RAB11FIP3: variants seen among roughly 807,000 people sequenced by gnomAD.
RAB11FIP3 encodes RAB11 family interacting protein 3.
A neutral mutation model predicts 77.8 loss-of-function variants in RAB11FIP3; 17 were observed. The observed-to-expected ratio is 0.22, with a 90% CI of 0.15 to 0.33. RAB11FIP3 has a LOEUF of 0.33. Among genes scored for constraint, RAB11FIP3 ranks in the 10% least tolerant of loss-of-function variants. RAB11FIP3 has a pLI of 1.00. For synonymous variants in RAB11FIP3, 437 were observed against 448.2 expected (o/e 0.98, Z 0.31); for missense variants, 1,005 against 1,011.2 (o/e 0.99, Z 0.08).
intron 4 of RAB11FIP3, among the ~76,000 whole-genome samples, chr16:487,837 C>T (rs2056188701): frequency 6.6e-6 from 1 of 152,182 alleles, no homozygotes. Flanking sequence ...CCTTCCTTTC[C>T]CTGTCGCAGC....
intron 4 of RAB11FIP3, among the ~76,000 whole-genome samples, chr16:488,027 G>T (rs1308637916): frequency 6.6e-6 from 1 of 152,168 alleles, no homozygotes; most frequent in Non-Finnish European, 1.5e-5. Context: ...CGAGTGAGGA[G>T]TGTGAAGAGG....
rs9931484 is a variant in RAB11FIP3 at position 430,510 on chromosome 16, G to A, written c.714+3790G>A. On this transcript the variant is annotated intron_variant, in intron 1 of 13. Transcript: ENST00000262305. The stretch of plus-strand genomic sequence containing the variant: ...CCCTACGTTTTTTTATTCCTGCACC[G>A]CTAATGGTGGCAGTAGGAAGTTCCT... Among the ~76,000 whole-genome samples the A allele has an allele frequency of 3.2e-3, 489 of 152,144 alleles. 6 individuals are homozygous for A. Among genetic ancestry groups the A allele is most frequent in the African/African-American group, 0.012 (480 of 41,468 alleles).
chr16:431,553 T>G (rs7201187), intron 1 of RAB11FIP3, among the ~76,000 whole-genome samples: 60,682 of 151,742 alleles, frequency 0.4, 12,405 homozygotes, highest in South Asian at 0.54. Flanking sequence ...TTTTATATTT[T>G]TAGTAGAGAC....
chr16:459,082 G>T (rs1260142929), intron 1 of RAB11FIP3, among the ~76,000 whole-genome samples: 1 of 151,014 alleles, frequency 6.6e-6, no homozygotes, highest in Admixed American at 6.6e-5. Context: ...CTACAAAAAT[G>T]AACAGTTCCT....
intron 9 of RAB11FIP3, among the ~76,000 whole-genome samples, chr16:512,481 C>T (rs182535739): frequency 0.034 from 5,104 of 151,512 alleles, 131 homozygotes; most frequent in Non-Finnish European, 0.049. Context: ...ACCTCGTGAT[C>T]CACCTGCCTC....
Position 461,691 on chromosome 16 carries a change from G to C in RAB11FIP3, c.808+194G>C, listed in dbSNP as rs1450178085. Among the ~76,000 whole-genome samples, 1 of 152,000 alleles carries C rather than the reference G, an allele frequency of 6.6e-6. No homozygotes were observed. The highest frequency in any genetic ancestry group is 1.5e-5 in the Non-Finnish European group (1 of 68,018). ...TTCTCCTCACATACCCTGTTTTCCA[G>C]AATTTGCTGCGTTAACTACTTTTCC... On this transcript the variant is annotated intron_variant, in intron 2 of 13. Coordinates refer to ENST00000262305, the MANE Select transcript of RAB11FIP3 (RefSeq NM_014700.4). The surrounding 1 kb of genome is among the most constrained non-coding windows in gnomAD (Gnocchi z 4.5).
intron 5 of RAB11FIP3, among the ~76,000 whole-genome samples, chr16:496,503 C>T (rs765799268): frequency 2.0e-5 from 3 of 152,240 alleles, no homozygotes; most frequent in Admixed American, 6.5e-5. Context: ...AATTTGGCTT[C>T]AGAAGCATTG....
intron 5 of RAB11FIP3, among the ~76,000 whole-genome samples, chr16:494,051 CCAT>C (rs1246352902): frequency 2.6e-5 from 2 of 77,450 alleles, no homozygotes; most frequent in Non-Finnish European, 5.0e-5. Flanking sequence ...CTACAGGCGC[CCAT>C]CACCACACCT....
At chr16:437,349 A>T (rs1189565102) in intron 1 of RAB11FIP3, among the ~76,000 whole-genome samples, 1 of 151,840 alleles carries the variant, frequency 6.6e-6, no homozygotes, top group African/African-American at 2.4e-5. Context: ...CGGGCGGATC[A>T]CCTGAGGTCA....
rs1398191938 is a variant in RAB11FIP3 at position 506,028 on chromosome 16, G to A, written c.1499+401G>A. Among the ~76,000 whole-genome samples, 1 of 152,242 alleles carries A rather than the reference G, an allele frequency of 6.6e-6. No homozygotes were observed. Among genetic ancestry groups the A allele is most frequent in the East Asian group, 1.9e-4 (1 of 5,200 alleles). On this transcript the variant is annotated intron_variant, in intron 8 of 13. Transcript: ENST00000262305. This position sits in a 1 kb window ranked among gnomAD's most constrained non-coding sequence, Gnocchi z 4.5. ...GTTTGCCCGTCCTGGAAGAATGCAG[G>A]TTAGAGAAGTCGCTCAGCAGCAGAA...
At chr16:433,551 G>T (rs1025620480) in intron 1 of RAB11FIP3, among the ~76,000 whole-genome samples, 2 of 151,488 alleles carry the variant, frequency 1.3e-5, no homozygotes, top group African/African-American at 2.4e-5. Context: ...TTTTTACGTG[G>T]CCAAATAGTA....
chr16:513,419 G>A (rs2032272193), intron 9 of RAB11FIP3, among the ~76,000 whole-genome samples: 1 of 152,090 alleles, frequency 6.6e-6, no homozygotes, highest in African/African-American at 2.4e-5. Flanking sequence ...AGGTCTTGCT[G>A]TGTTGCCCAG....
In RAB11FIP3 at chr16:521,091, C is replaced by G; in HGVS notation, c.*252C>G. ...CAGAGGATGAGGGTTGTGGCAGGGCCGTCCATCAGCGCTGACCTTCCGGGG... is the reference window on the plus strand; with the variant it reads ...CAGAGGATGAGGGTTGTGGCAGGGCGGTCCATCAGCGCTGACCTTCCGGGG... On this transcript the variant is annotated 3_prime_UTR_variant, in exon 14 of 14. Transcript: ENST00000262305. 3.6e-6 allele frequency: 2 copies of G among 559,058 alleles called. No homozygotes were observed. The highest frequency in any genetic ancestry group is 4.2e-5 in the South Asian group (2 of 47,146). 34.6% of individuals were successfully genotyped at this position (559,058 alleles called of 1,614,324 possible). A position where few individuals can be genotyped will look rare whatever the true frequency, so the allele number is the denominator to read the frequency against.
At chr16:501,850 C>A (rs1321606889) in intron 6 of RAB11FIP3, among the ~76,000 whole-genome samples, 1 of 150,854 alleles carries the variant, frequency 6.6e-6, no homozygotes, top group Non-Finnish European at 1.5e-5. Context: ...AGAGGATCCC[C>A]CATTTCATAG....
intron 4 of RAB11FIP3, among the ~76,000 whole-genome samples, chr16:488,252 C>A (rs1167987692): frequency 3.3e-5 from 5 of 151,858 alleles, no homozygotes; most frequent in Non-Finnish European, 7.4e-5. Flanking sequence ...TGGTGGCGGG[C>A]GCCTGTAGTC....
intron 2 of RAB11FIP3, among the ~76,000 whole-genome samples, chr16:462,937 G>A (rs1206397675): frequency 2.6e-5 from 4 of 152,246 alleles, no homozygotes; most frequent in South Asian, 2.1e-4. Flanking sequence ...GATCCGTTGC[G>A]TGCTTGTGCC....
chr16:438,133 A>C (rs753849431), intron 1 of RAB11FIP3, among the ~76,000 whole-genome samples: 5 of 145,296 alleles, frequency 3.4e-5, no homozygotes, highest in Non-Finnish European at 7.6e-5. Context: ...CCTGAGATGG[A>C]GTCTTCCTCT....
At chr16:441,234 C>T (rs1424654200) in intron 1 of RAB11FIP3, among the ~76,000 whole-genome samples, 9 of 152,214 alleles carry the variant, frequency 5.9e-5, no homozygotes, top group Non-Finnish European at 1.0e-4. Flanking sequence ...CCGTCGCCAT[C>T]GCGCCTGGCC....
intron 1 of RAB11FIP3, chr16:439,438 T>C (rs1186597533): frequency 1.3e-5 from 2 of 152,220 alleles, no homozygotes; most frequent in Non-Finnish European, 2.9e-5. Flanking sequence ...GGTTACCATC[T>C]TGTGATATTC....
Sources: gnomAD v4.1 joint callset for allele counts (sites outside exome capture counted in the v4.1 genomes callset) on GRCh38, gnomAD v4.1.1 for gene constraint, Gnocchi (gnomAD v3.1) non-coding constraint, MANE v1.5 for transcripts, NCBI Gene and HGNC (gene_info 2026-07-23, HGNC 2026-07-21) for gene names.